Variants in SLC35F4 observed in about 807,000 individuals in gnomAD.
The protein encoded by SLC35F4 is chromosome 14 open reading frame 36.
In SLC35F4, 24 loss-of-function variants were observed where a neutral mutation model predicts 44.2. The ratio of observed to expected loss-of-function variants is 0.54; its 90% CI spans 0.39 to 0.76. The LOEUF is 0.76. SLC35F4 is among the 30% of genes least tolerant of loss of function. SLC35F4 has a pLI of 0.00. For missense variants in SLC35F4, 562 were observed against 586.1 expected, an observed-to-expected ratio of 0.96 and a Z score of 0.42; for synonymous variants, 238 against 223.6, an observed-to-expected ratio of 1.06 and a Z score of -0.57.
intron 1 of SLC35F4, among the ~76,000 whole-genome samples, chr14:57,938,834 G>C (rs1594638899): frequency 6.6e-6 from 1 of 152,084 alleles, no homozygotes; most frequent in East Asian, 1.9e-4. Flanking sequence ...CTACCGATTG[G>C]GGTTTGTGAC....
intron 1 of SLC35F4, among the ~76,000 whole-genome samples, chr14:57,887,551 A>G (rs1290622223): frequency 1.3e-5 from 2 of 152,190 alleles, no homozygotes; most frequent in African/African-American, 2.4e-5. Context: ...CCTTTGAGTG[A>G]CGAACGTGAC....
intron 1 of SLC35F4, among the ~76,000 whole-genome samples, chr14:57,627,666 T>A (rs888660295): frequency 6.6e-6 from 1 of 152,114 alleles, no homozygotes. Context: ...GACTACTCAT[T>A]CTTGAATACA....
intron 1 of SLC35F4, among the ~76,000 whole-genome samples, chr14:57,694,379 G>C (rs1020393263): frequency 2.0e-5 from 3 of 152,096 alleles, no homozygotes; most frequent in Non-Finnish European, 2.9e-5. Context: ...TACATAAACA[G>C]GATCAGATAT....
At chr14:57,771,074 C>T (rs2077352220) in intron 1 of SLC35F4, among the ~76,000 whole-genome samples, 1 of 152,130 alleles carries the variant, frequency 6.6e-6, no homozygotes, top group African/African-American at 2.4e-5. Context: ...CATTTCAGGG[C>T]CTGACTGCTT....
chr14:57,680,198 G>A (rs2074847061), intron 1 of SLC35F4, among the ~76,000 whole-genome samples: 1 of 152,084 alleles, frequency 6.6e-6, no homozygotes, highest in South Asian at 2.1e-4. Flanking sequence ...CGTCATCCGT[G>A]GGATGCAAGT....
intron 1 of SLC35F4, among the ~76,000 whole-genome samples, chr14:57,839,284 G>C (rs776063461): frequency 6.6e-6 from 1 of 152,080 alleles, no homozygotes; most frequent in Non-Finnish European, 1.5e-5. Flanking sequence ...CTTATCCTTC[G>C]GTTGCTCTTT....
chr14:57,898,520 G>C (rs886639599), intron 1 of SLC35F4, among the ~76,000 whole-genome samples: 3 of 152,180 alleles, frequency 2.0e-5, no homozygotes, highest in African/African-American at 7.2e-5. Flanking sequence ...GAAGAAAACA[G>C]AGATGCAGGA....
At chr14:57,728,365 T>C (rs1167273412) in intron 1 of SLC35F4, among the ~76,000 whole-genome samples, 1 of 151,874 alleles carries the variant, frequency 6.6e-6, no homozygotes, top group African/African-American at 2.4e-5. Context: ...GATTATACTA[T>C]TTTGTTTTAC....
chr14:57,696,868 T>TGTGG (rs2075397279), intron 1 of SLC35F4, among the ~76,000 whole-genome samples: 3 of 151,948 alleles, frequency 2.0e-5, no homozygotes, highest in African/African-American at 7.3e-5. Flanking sequence ...AACTGAACAA[T>TGTGG]GAGAACACAT....
intron 1 of SLC35F4, among the ~76,000 whole-genome samples, chr14:57,746,395 C>G (rs1017108609): frequency 2.6e-5 from 4 of 152,070 alleles, no homozygotes; most frequent in African/African-American, 9.6e-5. Flanking sequence ...AATACTTTTT[C>G]TGTATTTTTT....
chr14:57,727,073 T>C (rs1456083640), intron 1 of SLC35F4, among the ~76,000 whole-genome samples: 1 of 151,986 alleles, frequency 6.6e-6, no homozygotes, highest in Non-Finnish European at 1.5e-5. Flanking sequence ...AGATGGCCTA[T>C]TGTGGGACCT....
At chr14:57,845,427 A>G (rs1885927589) in intron 1 of SLC35F4, among the ~76,000 whole-genome samples, 1 of 152,218 alleles carries the variant, frequency 6.6e-6, no homozygotes, top group Non-Finnish European at 1.5e-5. Flanking sequence ...AATGCATACA[A>G]CTGTCGGAGA....
chr14:57,726,919 G>A (rs562976472), intron 1 of SLC35F4, among the ~76,000 whole-genome samples: 2 of 152,160 alleles, frequency 1.3e-5, no homozygotes, highest in East Asian at 3.9e-4. Context: ...TATAAAGCAG[G>A]TAGAAAAACA....
intron 1 of SLC35F4, among the ~76,000 whole-genome samples, chr14:57,757,552 A>G (rs2077023155): frequency 6.6e-6 from 1 of 151,820 alleles, no homozygotes; most frequent in Non-Finnish European, 1.5e-5. Context: ...ATTTGTTTTT[A>G]TCAGTTTCTT....
At chr14:57,581,698 C>T (rs544644081) in intron 3 of SLC35F4, among the ~76,000 whole-genome samples, 2 of 152,212 alleles carry the variant, frequency 1.3e-5, no homozygotes, top group South Asian at 2.1e-4. Flanking sequence ...GCCATTCTGT[C>T]GTTTTTGAGC....
At chr14:57,827,013 T>C (rs1449514829) in intron 1 of SLC35F4, among the ~76,000 whole-genome samples, 1 of 152,136 alleles carries the variant, frequency 6.6e-6, no homozygotes, top group Non-Finnish European at 1.5e-5. Flanking sequence ...ACTGGGTATA[T>C]ACCCAGAGGA....
intron 1 of SLC35F4, among the ~76,000 whole-genome samples, chr14:57,728,740 C>T (rs936390668): frequency 4.6e-5 from 7 of 152,064 alleles, no homozygotes; most frequent in East Asian, 1.9e-4. Flanking sequence ...TGGGATTACA[C>T]GCATGAGCCA....
At chr14:57,896,042 T>C (rs188668831) in intron 1 of SLC35F4, among the ~76,000 whole-genome samples, 1 of 152,112 alleles carries the variant, frequency 6.6e-6, no homozygotes, top group Non-Finnish European at 1.5e-5. Context: ...AACTGGACGC[T>C]CTTTACCCCA....
At chr14:57,950,436 A>AT (rs201182462) in intron 1 of SLC35F4, among the ~76,000 whole-genome samples, 4,557 of 151,180 alleles carry the variant, frequency 0.03, 93 homozygotes, top group Non-Finnish European at 0.042. Flanking sequence ...CATATCCTGT[A>AT]TTTTTTTTAA....
Sources: gnomAD v4.1 joint callset for allele counts (sites outside exome capture counted in the v4.1 genomes callset) on GRCh38, gnomAD v4.1.1 for gene constraint, MANE v1.5 for transcripts, NCBI Gene and HGNC (gene_info 2026-07-23, HGNC 2026-07-21) for gene names.